Variants in DRD2 observed in about 807,000 individuals in gnomAD.
DRD2 encodes D(2) dopamine receptor.
DRD2 carries 8 observed loss-of-function variants against 38.0 expected under a neutral mutation model. The observed-to-expected ratio is 0.21, with a 90% CI of 0.12 to 0.38. The LOEUF (loss-of-function observed/expected upper bound fraction) is 0.38. DRD2 is among the 10% of genes least tolerant of loss of function. The pLI, the probability that DRD2 is intolerant of heterozygous loss-of-function variation, is 1.00. For missense variants in DRD2, 403 were observed against 607.7 expected, an observed-to-expected ratio of 0.66 and a Z score of 3.54; for synonymous variants, 230 against 238.6, an observed-to-expected ratio of 0.96 and a Z score of 0.33.
At chr11:113,436,355 G>T (rs954963551) in intron 1 of DRD2, among the ~76,000 whole-genome samples, 3 of 152,162 alleles carry the variant, frequency 2.0e-5, no homozygotes, top group Non-Finnish European at 2.9e-5. Context: ...AGAGCCTCTA[G>T]AATAAAATAA....
At chr11:113,443,602 C>T (rs938953094) in intron 1 of DRD2, among the ~76,000 whole-genome samples, 3 of 152,228 alleles carry the variant, frequency 2.0e-5, no homozygotes, top group African/African-American at 7.2e-5. Flanking sequence ...ACCCTGTGCT[C>T]TATCTGTCCT....
At chr11:113,426,077 TGTG>T (rs1422323018) in intron 1 of DRD2, among the ~76,000 whole-genome samples, 1 of 152,000 alleles carries the variant, frequency 6.6e-6, no homozygotes. Context: ...GGTTAGAAAT[TGTG>T]GTCATCTGAA....
chr11:113,437,038 C>T (rs1951045555), intron 1 of DRD2, among the ~76,000 whole-genome samples: 2 of 152,200 alleles, frequency 1.3e-5, no homozygotes, highest in South Asian at 4.1e-4. Context: ...GTCATGTCCT[C>T]TCTTTCACAG....
intron 1 of DRD2, among the ~76,000 whole-genome samples, chr11:113,450,664 A>G (rs1951202449): frequency 6.6e-6 from 1 of 152,246 alleles, no homozygotes; most frequent in Non-Finnish European, 1.5e-5. Context: ...GAAGAGTTCT[A>G]TATCAAGTGA....
At chr11:113,446,215 C>T (rs1168972814) in intron 1 of DRD2, among the ~76,000 whole-genome samples, 1 of 152,142 alleles carries the variant, frequency 6.6e-6, no homozygotes, top group Non-Finnish European at 1.5e-5. Flanking sequence ...GATACAGTCA[C>T]CCCACCTCCA....
chr11:113,432,288 T>C (rs866287435), intron 1 of DRD2, among the ~76,000 whole-genome samples: 37 of 136,350 alleles, frequency 2.7e-4, no homozygotes, highest in African/African-American at 7.5e-4. Flanking sequence ...GATCCTCTCT[T>C]TCTCTCTCTC....
At chr11:113,474,274 C>A (rs1327003225) in intron 1 of DRD2, 1 of 152,306 alleles carries the variant, frequency 6.6e-6, no homozygotes, top group Non-Finnish European at 1.5e-5. Flanking sequence ...CCGCCTCAGA[C>A]AGGGATAGGG....
intron 7 of DRD2, 107 bp from the exon 8 acceptor site, chr11:113,411,027 G>C (rs1354747365): frequency 8.9e-6 from 11 of 1,230,518 alleles, no homozygotes; most frequent in Middle Eastern, 4.8e-4. Context: ...GTGGGCTGTA[G>C]CCACAGAAGC....
rs576773126 is a variant in DRD2 at position 113,452,903 on chromosome 11, C to T, written c.-32+22173G>A. Among the ~76,000 whole-genome samples the T allele has an allele frequency of 1.8e-4, 27 of 152,140 alleles. No individual in the cohort carries two copies. In the East Asian group the frequency reaches 4.8e-3, roughly 27 times the overall value. On this transcript the variant is annotated intron_variant, in intron 1 of 7. Coordinates refer to ENST00000362072, the MANE Select transcript of DRD2 (RefSeq NM_000795.4). ...CTGAACTCAGGTGATCTACCCGCCT[C>T]GGCCTCCCAAAGCGCTAGGATTTCA...
At position 113,410,768 on chromosome 11, in the gene DRD2, T is replaced by C; in HGVS notation, c.1291A>G (p.Ile431Val). ...TTCAGGAAGGCCTTGCGGAACTCAA[T>C]GTTGAAGGTGGTGTAGATGATGGGG... ...VNPIIYTTFN[I>V]EFRKAFLKIL... is the part of the protein sequence containing the mutation. The change falls in exon 8 of 8, where the codon ATT (isoleucine) becomes GTT (valine). Residue 431 changes from isoleucine to valine, a missense_variant. Coordinates refer to ENST00000362072, the MANE Select transcript of DRD2 (RefSeq NM_000795.4). The C allele has an allele frequency of 6.2e-7, 1 of 1,614,094 alleles. No individual in the cohort carries two copies. The highest frequency in any genetic ancestry group is 8.5e-7 in the Non-Finnish European group (1 of 1,180,012).
chr11:113,429,181 T>C (rs1252851691), intron 1 of DRD2, among the ~76,000 whole-genome samples: 2 of 152,226 alleles, frequency 1.3e-5, no homozygotes, highest in Non-Finnish European at 2.9e-5. Flanking sequence ...GGCAAATGCC[T>C]AAATACCTGT....
At chr11:113,415,021 A>C (rs1565660316) in intron 5 of DRD2, among the ~76,000 whole-genome samples, 1 of 152,108 alleles carries the variant, frequency 6.6e-6, no homozygotes, top group East Asian at 1.9e-4. Flanking sequence ...AGGAAAAGTG[A>C]TGTGTGTTTG....
chr11:113,454,926 C>T (rs1478883420), intron 1 of DRD2, among the ~76,000 whole-genome samples: 2 of 152,132 alleles, frequency 1.3e-5, no homozygotes, highest in African/African-American at 2.4e-5. Flanking sequence ...AACTGGCTGT[C>T]CACATGCTGA....
intron 7 of DRD2, 121 bp from the exon 8 acceptor site, chr11:113,411,041 G>C: frequency 9.3e-7 from 1 of 1,080,248 alleles, no homozygotes; most frequent in Non-Finnish European, 1.3e-6. Flanking sequence ...CAGAAGCACT[G>C]TAGGAGGAGT....
chr11:113,448,434 G>A (rs1348164709), intron 1 of DRD2, among the ~76,000 whole-genome samples: 2 of 152,180 alleles, frequency 1.3e-5, no homozygotes, highest in African/African-American at 4.8e-5. Context: ...GAGACTCCTG[G>A]CTCCCTGTCA....
In DRD2 at chr11:113,416,946, C is replaced by A. The variant is rs199517364; in HGVS notation, c.449G>T (p.Arg150Leu). 1 of 1,614,126 alleles carries A rather than the reference C, an allele frequency of 6.2e-7. No individual in the cohort carries two copies. The highest frequency in any genetic ancestry group is 1.3e-5 in the African/African-American group (1 of 75,060). Residue 150 changes from arginine (R) to leucine (L), a missense_variant, in exon 4 of 8, where the codon CGC (arginine) becomes CTC (leucine). By Grantham distance (102) the Arg-to-Leu change is moderately radical (BLOSUM62 -2). This residue lies in a region of DRD2 where 162 missense variants were observed against 254.5 expected (regional missense o/e 0.64). Transcript: ENST00000362072. ...MLYNTRYSSK[R>L]RVTVMISIVW... ...GATGGAGATCATGACGGTGACCCGG[C>A]GCTTGGAGCTGTAGCGCGTATTGTA...
At chr11:113,468,062 A>G (rs1355610173) in intron 1 of DRD2, among the ~76,000 whole-genome samples, 1 of 152,248 alleles carries the variant, frequency 6.6e-6, no homozygotes, top group Non-Finnish European at 1.5e-5. Flanking sequence ...CAATCATTAC[A>G]GTTAACATTT....
intron 5 of DRD2, among the ~76,000 whole-genome samples, chr11:113,415,026 T>C (rs1051478314): frequency 1.3e-5 from 2 of 151,606 alleles, no homozygotes; most frequent in Non-Finnish European, 2.9e-5. Context: ...AAGTGATGTG[T>C]GTTTGGAGGG....
chr11:113,459,799 A>G (rs1951301324), intron 1 of DRD2, among the ~76,000 whole-genome samples: 1 of 152,246 alleles, frequency 6.6e-6, no homozygotes. Flanking sequence ...TATTCTCAAC[A>G]TAAAGGAAAG....
Sources: gnomAD v4.1 joint callset for allele counts (sites outside exome capture counted in the v4.1 genomes callset) on GRCh38, gnomAD v4.1.1 for gene constraint, gnomAD v4.1.1 regional missense constraint, MANE v1.5 for transcripts, NCBI Gene and HGNC (gene_info 2026-07-23, HGNC 2026-07-21) for gene names.